L3MBTL4: variants seen among roughly 807,000 people sequenced by gnomAD.
L3MBTL4 encodes the protein L3MBTL histone methyl-lysine binding protein 4.
In L3MBTL4, 70 loss-of-function variants were observed where a neutral mutation model predicts 84.5. The ratio of observed to expected loss-of-function variants is 0.83; its 90% CI spans 0.68 to 1.01. The LOEUF (loss-of-function observed/expected upper bound fraction) is 1.01, where lower values mean the gene tolerates loss of function less well. L3MBTL4 is among the 50% of genes least tolerant of loss of function. The pLI is 0.00. For synonymous variants in L3MBTL4, 274 were observed against 259.8 expected (o/e 1.05, Z -0.52); for missense variants, 715 against 754.8 (o/e 0.95, Z 0.62).
chr18:6,185,970 T>TA (rs1555682199), intron 12 of L3MBTL4, among the ~76,000 whole-genome samples: 1 of 140,274 alleles, frequency 7.1e-6, no homozygotes, highest in African/African-American at 2.8e-5. Flanking sequence ...CTTTATTTTA[T>TA]TTTATTTTAT....
At chr18:6,056,465 C>T (rs2057025674) in intron 16 of L3MBTL4, among the ~76,000 whole-genome samples, 1 of 152,182 alleles carries the variant, frequency 6.6e-6, no homozygotes, top group Non-Finnish European at 1.5e-5. Context: ...TATTAGCCTA[C>T]TTCCAATGAA....
At chr18:6,091,466 A>G (rs1357117305) in intron 15 of L3MBTL4, among the ~76,000 whole-genome samples, 1 of 152,216 alleles carries the variant, frequency 6.6e-6, no homozygotes, top group Non-Finnish European at 1.5e-5. Context: ...CCCCACAGCT[A>G]ATTACAGGCA....
chr18:6,307,014 C>T (rs2050616059), intron 3 of L3MBTL4, among the ~76,000 whole-genome samples: 1 of 152,168 alleles, frequency 6.6e-6, no homozygotes, highest in Non-Finnish European at 1.5e-5. Flanking sequence ...TCACACACGT[C>T]ACCTTCTCTT....
At chr18:6,293,396 A>C (rs1361660315) in intron 4 of L3MBTL4, among the ~76,000 whole-genome samples, 2 of 152,180 alleles carry the variant, frequency 1.3e-5, no homozygotes, top group Non-Finnish European at 2.9e-5. Context: ...AGAAACAATC[A>C]AAAGGACACC....
intron 4 of L3MBTL4, among the ~76,000 whole-genome samples, chr18:6,280,758 C>A (rs571455041): frequency 2.0e-5 from 3 of 152,218 alleles, no homozygotes; most frequent in Admixed American, 6.5e-5. Flanking sequence ...GAAGAGCTTT[C>A]CCAGCTGTGG....
At chr18:6,142,737 A>G (rs911594169) in intron 13 of L3MBTL4, among the ~76,000 whole-genome samples, 1 of 152,192 alleles carries the variant, frequency 6.6e-6, no homozygotes, top group Non-Finnish European at 1.5e-5. Context: ...CCTGGGTAAC[A>G]TAGACCTTAT....
chr18:6,257,212 C>T (rs2048181061), intron 5 of L3MBTL4, among the ~76,000 whole-genome samples: 1 of 151,976 alleles, frequency 6.6e-6, no homozygotes, highest in African/African-American at 2.4e-5. Flanking sequence ...CAGTGGAGGG[C>T]TTACTGAGGC....
intron 1 of L3MBTL4, among the ~76,000 whole-genome samples, chr18:6,345,237 G>T (rs111641659): frequency 2.7e-5 from 3 of 111,692 alleles, no homozygotes; most frequent in Non-Finnish European, 3.7e-5. Flanking sequence ...AAAAAAAAAA[G>T]AAAAAAAAAA....
intron 13 of L3MBTL4, among the ~76,000 whole-genome samples, chr18:6,157,686 T>G (rs557735868): frequency 6.6e-6 from 1 of 152,322 alleles, no homozygotes; most frequent in East Asian, 1.9e-4. Context: ...TTAAATAAAT[T>G]AGCAATGTTC....
intron 16 of L3MBTL4, among the ~76,000 whole-genome samples, chr18:6,015,805 A>C (rs371432472): frequency 1.3e-5 from 2 of 152,084 alleles, no homozygotes; most frequent in African/African-American, 4.8e-5. Flanking sequence ...AAAAATACAA[A>C]AAAAGTTAGC....
At chr18:6,098,760 A>G (rs916187665) in intron 14 of L3MBTL4, among the ~76,000 whole-genome samples, 1 of 152,162 alleles carries the variant, frequency 6.6e-6, no homozygotes, top group African/African-American at 2.4e-5. Flanking sequence ...TATTTTGCTA[A>G]CCAATTATAT....
At chr18:6,017,259 A>T (rs2055034088) in intron 16 of L3MBTL4, among the ~76,000 whole-genome samples, 1 of 152,218 alleles carries the variant, frequency 6.6e-6, no homozygotes, top group African/African-American at 2.4e-5. Flanking sequence ...AATGCAGTTG[A>T]AATGAGAGTG....
intron 16 of L3MBTL4, among the ~76,000 whole-genome samples, chr18:5,992,770 G>A (rs948489912): frequency 4.0e-4 from 61 of 152,182 alleles, no homozygotes; most frequent in African/African-American, 1.3e-3. Context: ...CTCCCACTTC[G>A]CCTTCCGCCA....
At chr18:6,376,453 C>A (rs1475495825) in intron 1 of L3MBTL4, among the ~76,000 whole-genome samples, 2 of 152,146 alleles carry the variant, frequency 1.3e-5, no homozygotes, top group African/African-American at 4.8e-5. Context: ...TAAAGTAAGG[C>A]CCCAGCTGCG....
chr18:6,084,222 C>T (rs2058180404), intron 15 of L3MBTL4, among the ~76,000 whole-genome samples: 2 of 152,126 alleles, frequency 1.3e-5, no homozygotes, highest in Admixed American at 1.3e-4. Flanking sequence ...TCGAATCCTG[C>T]CCATTGCTTG....
At position 6,095,394 on chromosome 18, in the gene L3MBTL4, C is replaced by T. The variant is rs1229686012; in HGVS notation, c.1200-1866G>A. 1.8e-4 allele frequency among the ~76,000 whole-genome samples: 27 copies of T among 147,514 alleles called. No homozygotes were observed. In the Admixed American group the frequency reaches 1.8e-3, roughly 10 times the overall value. Reference sequence around the variant, plus strand: ...ATGGAGTCTCGCTCCGTCGCCCAGGCTGGAGTGCAGTGGTGCGATGATCTC... The same window carrying T: ...ATGGAGTCTCGCTCCGTCGCCCAGGTTGGAGTGCAGTGGTGCGATGATCTC... On this transcript the variant is annotated intron_variant, in intron 14 of 18. Coordinates refer to ENST00000317931, the MANE Select transcript of L3MBTL4 (RefSeq NM_001330559.2).
chr18:6,109,809 T>C (rs546148021), intron 14 of L3MBTL4, among the ~76,000 whole-genome samples: 1 of 152,276 alleles, frequency 6.6e-6, no homozygotes, highest in African/African-American at 2.4e-5. Context: ...TGAGAGAGAT[T>C]TTCATTACTT....
intron 12 of L3MBTL4, among the ~76,000 whole-genome samples, chr18:6,210,372 C>T (rs1030407607): frequency 2.6e-5 from 4 of 152,142 alleles, no homozygotes; most frequent in Admixed American, 2.6e-4. Context: ...TCTGCTCTCC[C>T]ACTAGGAAGT....
At chr18:6,295,220 C>T (rs552500827) in intron 4 of L3MBTL4, among the ~76,000 whole-genome samples, 15 of 150,840 alleles carry the variant, frequency 9.9e-5, no homozygotes, top group South Asian at 2.1e-4. Flanking sequence ...TGCAATGAGC[C>T]GGGATAGTGC....
Sources: allele counts gnomAD v4.1 joint callset (sites outside exome capture counted in the v4.1 genomes callset), GRCh38; gene constraint gnomAD v4.1.1; transcripts MANE v1.5; gene names NCBI Gene and HGNC (gene_info 2026-07-23, HGNC 2026-07-21).